Variants in TAF4 observed in about 807,000 individuals in gnomAD.
TAF4 encodes TATA-box binding protein associated factor 4, also known as transcription initiation factor TFIID subunit 4.
Under a neutral mutation model 90.3 loss-of-function variants are expected in TAF4, and 9 were observed. The ratio of observed to expected loss-of-function variants is 0.10; its 90% CI spans 0.06 to 0.17. The LOEUF (loss-of-function observed/expected upper bound fraction) is 0.17. TAF4 is among the 10% of genes least tolerant of loss of function. The pLI, the probability that TAF4 is intolerant of heterozygous loss-of-function variation, is 1.00. For synonymous variants in TAF4, 818 were observed against 638.9 expected (o/e 1.28, Z -4.23); for missense variants, 1,351 against 1,370.7 (o/e 0.99, Z 0.23).
Position 62,036,325 on chromosome 20 carries a change from C to T in TAF4, c.1361-21618G>A, listed in dbSNP as rs530334500. Among the ~76,000 whole-genome samples the T allele has an allele frequency of 5.9e-5, 9 of 152,298 alleles. No individual in the cohort carries two copies. In the South Asian group the frequency reaches 1.9e-3, roughly 32 times the overall value. On this transcript the variant is annotated intron_variant, in intron 1 of 14. Transcript: ENST00000252996. ...CAGGCGTGAGCCACCGCGCCTGGCT[C>T]ATTAATTAATTTTTAAGTGAAAATT...
At chr20:62,062,961 A>T (rs927639074) in intron 1 of TAF4, among the ~76,000 whole-genome samples, 1 of 152,208 alleles carries the variant, frequency 6.6e-6, no homozygotes, top group African/African-American at 2.4e-5. Flanking sequence ...TACATAATAG[A>T]TCACAGCCAT....
chr20:62,050,626 C>G (rs1237619270), intron 1 of TAF4, among the ~76,000 whole-genome samples: 2 of 152,006 alleles, frequency 1.3e-5, no homozygotes, highest in Non-Finnish European at 2.9e-5. Context: ...GTTCAATAAA[C>G]CCAGTGCAGG....
intron 1 of TAF4, among the ~76,000 whole-genome samples, chr20:62,039,960 CA>C (rs941929410): frequency 7.7e-4 from 117 of 152,158 alleles, no homozygotes; most frequent in African/African-American, 2.7e-3. Context: ...GCACGGCACC[CA>C]TCGAAAAGGC....
intron 1 of TAF4, among the ~76,000 whole-genome samples, chr20:62,049,813 A>G (rs1261693311): frequency 6.6e-6 from 1 of 152,112 alleles, no homozygotes; most frequent in African/African-American, 2.4e-5. Flanking sequence ...CAGTTCATAG[A>G]AATGCGAGCC....
intron 1 of TAF4, among the ~76,000 whole-genome samples, chr20:62,044,693 T>C (rs1210746812): frequency 6.6e-6 from 1 of 152,218 alleles, no homozygotes; most frequent in Non-Finnish European, 1.5e-5. Context: ...GATCTAAGCT[T>C]TTCTGTGCAA....
chr20:62,062,997 A>C (rs2056098133), intron 1 of TAF4, among the ~76,000 whole-genome samples: 1 of 152,210 alleles, frequency 6.6e-6, no homozygotes, highest in African/African-American at 2.4e-5. Flanking sequence ...AACGTTACTA[A>C]AGATCAGCCA....
intron 1 of TAF4, among the ~76,000 whole-genome samples, chr20:62,055,167 C>A (rs567664112): frequency 2.7e-5 from 4 of 150,684 alleles, no homozygotes; most frequent in Non-Finnish European, 5.9e-5. Flanking sequence ...GCAATACAAT[C>A]GATTCACGCT....
chr20:62,054,304 G>A lies in TAF4; in HGVS notation c.1360+10147C>T, dbSNP rs1376371891. On this transcript the variant is annotated intron_variant, in intron 1 of 14. Transcript: ENST00000252996. The stretch of plus-strand genomic sequence containing the variant: ...TTGGAGAAGCTGGTCACCTCTGTGA[G>A]CCTCAGCGTCTCTGTGGAAGGGGAC... Among the ~76,000 whole-genome samples the A allele has an allele frequency of 2.0e-5, 3 of 152,316 alleles. No individual in the cohort carries two copies. The East Asian group carries it at 5.8e-4, about 29-fold the overall frequency.
intron 1 of TAF4, among the ~76,000 whole-genome samples, chr20:62,017,126 G>GCT (rs1486599610): frequency 6.6e-6 from 1 of 151,654 alleles, no homozygotes; most frequent in Non-Finnish European, 1.5e-5. Flanking sequence ...GGACCACAGA[G>GCT]TGAGACCCCA....
intron 14 of TAF4, among the ~76,000 whole-genome samples, chr20:61,993,897 T>C (rs1406188108): frequency 6.6e-6 from 1 of 152,088 alleles, no homozygotes; most frequent in Non-Finnish European, 1.5e-5. Flanking sequence ...GAAATACAGG[T>C]GCCTACCACC....
intron 14 of TAF4, chr20:61,981,558 A>C (rs1439746470): frequency 6.6e-6 from 1 of 152,238 alleles, no homozygotes; most frequent in African/African-American, 2.4e-5. Flanking sequence ...AAACAGTCTG[A>C]GGGAGGGGAG....
chr20:62,065,010 GGCGGGGGCGGCGGGC>G lies in TAF4; in HGVS notation c.786_800del (p.Pro263_Ala267del), dbSNP rs1164073974. The G allele has an allele frequency of 1.2e-4, 40 of 322,200 alleles. No homozygotes were observed. Among genetic ancestry groups the G allele is most frequent in the South Asian group, 6.3e-4 (5 of 7,964 alleles). 20.0% of individuals were successfully genotyped at this position (322,200 alleles called of 1,614,324 possible). Reference sequence around the variant, plus strand: ...CGGGGGGTGGCGGGGGCGGGGCGGCGGCGGGGGCGGCGGGCGCGGGGGCGGCGGGGGGCGAGGGCG... The same window carrying G: ...CGGGGGGTGGCGGGGGCGGGGCGGCGGCGGGGGCGGCGGGGGGCGAGGGCG... On this transcript the variant is annotated inframe_deletion, in exon 1 of 15. Coordinates refer to ENST00000252996, the MANE Select transcript of TAF4 (RefSeq NM_003185.4).
At chr20:61,978,814 C>G (rs1163276443) in intron 14 of TAF4, 1 of 153,668 alleles carries the variant, frequency 6.5e-6, no homozygotes, top group African/African-American at 2.4e-5. Context: ...GCTTCTGCAC[C>G]AAGCTCTGAA....
intron 2 of TAF4, among the ~76,000 whole-genome samples, chr20:62,013,904 CGGGTGT>C (rs1204590763): frequency 8.8e-4 from 102 of 116,120 alleles, no homozygotes; most frequent in East Asian, 2.5e-3. Context: ...AAGGCTGACG[CGGGTGT>C]GTGTGTGTGT....
chr20:62,009,797 T>C (rs2055767815), intron 4 of TAF4, among the ~76,000 whole-genome samples: 1 of 152,190 alleles, frequency 6.6e-6, no homozygotes, highest in Admixed American at 6.5e-5. Context: ...ACCAGTGACT[T>C]TTTCAAAGGC....
intron 1 of TAF4, among the ~76,000 whole-genome samples, chr20:62,055,235 G>A (rs36146120): frequency 6.8e-6 from 1 of 147,484 alleles, no homozygotes; most frequent in Non-Finnish European, 1.5e-5. Context: ...AGTCCTGCAA[G>A]ACAATAGATT....
intron 1 of TAF4, among the ~76,000 whole-genome samples, chr20:62,050,484 G>A (rs1000810520): frequency 5.9e-5 from 9 of 152,094 alleles, no homozygotes; most frequent in Non-Finnish European, 1.3e-4. Flanking sequence ...CCCACCCGCT[G>A]AGAGCAGCCC....
chr20:62,046,856 A>G (rs2055996239), intron 1 of TAF4, among the ~76,000 whole-genome samples: 1 of 152,084 alleles, frequency 6.6e-6, no homozygotes. Context: ...CCTGCTAGCC[A>G]TTTGTGTACC....
At chr20:62,011,720 C>T (rs2055779056) in intron 3 of TAF4, among the ~76,000 whole-genome samples, 1 of 152,196 alleles carries the variant, frequency 6.6e-6, no homozygotes. Flanking sequence ...CATTTCACCA[C>T]TGAGCAATGG....
Sources: allele counts gnomAD v4.1 joint callset (sites outside exome capture counted in the v4.1 genomes callset), GRCh38; gene constraint gnomAD v4.1.1; transcripts MANE v1.5; gene names NCBI Gene and HGNC (gene_info 2026-07-23, HGNC 2026-07-21).